DIS3L2: variants seen among roughly 807,000 people sequenced by gnomAD.
DIS3L2 encodes the protein DIS3-like exonuclease 2.
DIS3L2 carries 34 observed loss-of-function variants against 97.5 expected under a neutral mutation model. The ratio of observed to expected loss-of-function variants is 0.35; its 90% CI spans 0.27 to 0.46. The LOEUF (loss-of-function observed/expected upper bound fraction) is 0.46. DIS3L2 is among the 20% of genes least tolerant of loss of function. DIS3L2 has a pLI of 1.00. For missense variants in DIS3L2, 1,038 were observed against 1,146.0 expected (o/e 0.91, Z 1.36); for synonymous variants, 435 against 445.2 (o/e 0.98, Z 0.29).
At chr2:232,176,179 C>T (rs539812563) in intron 9 of DIS3L2, among the ~76,000 whole-genome samples, 1 of 152,344 alleles carries the variant, frequency 6.6e-6, no homozygotes, top group East Asian at 1.9e-4. Flanking sequence ...GCGTGAGCCA[C>T]CGCACCCGGC....
At chr2:232,262,613 A>C (rs982762289) in intron 12 of DIS3L2, among the ~76,000 whole-genome samples, 1 of 152,242 alleles carries the variant, frequency 6.6e-6, no homozygotes, top group African/African-American at 2.4e-5. Flanking sequence ...TATACAGTTC[A>C]GCCCCCTGGC....
At chr2:232,333,780 C>CGTA in intron 16 of DIS3L2, 60 bp from the exon 17 acceptor site, 1 of 1,480,436 alleles carries the variant, frequency 6.8e-7, no homozygotes, top group Non-Finnish European at 9.0e-7. Flanking sequence ...TGGTGCCAGC[C>CGTA]TTCCAGGCCT....
At chr2:232,273,958 C>A (rs765133350) in intron 13 of DIS3L2, among the ~76,000 whole-genome samples, 4 of 152,176 alleles carry the variant, frequency 2.6e-5, no homozygotes, top group African/African-American at 4.8e-5. Flanking sequence ...CTGATCAGAA[C>A]CTATTTTTGC....
intron 14 of DIS3L2, among the ~76,000 whole-genome samples, chr2:232,303,505 C>T (rs920538694): frequency 1.3e-5 from 2 of 152,218 alleles, no homozygotes; most frequent in African/African-American, 4.8e-5. Flanking sequence ...ATTATTGAAA[C>T]TACTGCCTTT....
At chr2:232,168,654 C>T (rs1690893665) in intron 9 of DIS3L2, among the ~76,000 whole-genome samples, 1 of 152,116 alleles carries the variant, frequency 6.6e-6, no homozygotes, top group Non-Finnish European at 1.5e-5. Flanking sequence ...TTGCAGAACG[C>T]CAACTTTTTC....
At chr2:232,000,694 C>G (rs1183379469) in intron 1 of DIS3L2, among the ~76,000 whole-genome samples, 11 of 102,996 alleles carry the variant, frequency 1.1e-4, no homozygotes, top group East Asian at 5.9e-4. Flanking sequence ...CTGTCTTTCT[C>G]TCTTTCTTTC....
At chr2:232,004,409 T>G (rs1253671550) in intron 1 of DIS3L2, among the ~76,000 whole-genome samples, 1 of 152,146 alleles carries the variant, frequency 6.6e-6, no homozygotes, top group Non-Finnish European at 1.5e-5. Flanking sequence ...GTCCTGTAAG[T>G]CCATAATACT....
chr2:232,056,522 A>G (rs569591824), intron 5 of DIS3L2, among the ~76,000 whole-genome samples: 52 of 152,282 alleles, frequency 3.4e-4, no homozygotes, highest in Non-Finnish European at 6.5e-4. Context: ...ATGCAACCAG[A>G]TATATATTCA....
intron 2 of DIS3L2, among the ~76,000 whole-genome samples, 200 bp downstream of exon 2, chr2:232,015,179 G>A (rs1694318802): frequency 1.3e-5 from 2 of 152,196 alleles, no homozygotes; most frequent in African/African-American, 4.8e-5. Flanking sequence ...AAGTACAGCT[G>A]TTTAATTTCC....
chr2:232,215,585 G>A (rs923335), intron 10 of DIS3L2, among the ~76,000 whole-genome samples: 1,590 of 152,266 alleles, frequency 0.01, 11 homozygotes, highest in Non-Finnish European at 0.017. Flanking sequence ...AATAGAGTGA[G>A]AGTCTAGGAG....
intron 5 of DIS3L2, among the ~76,000 whole-genome samples, chr2:232,078,155 T>C (rs894464876): frequency 3.9e-5 from 6 of 151,962 alleles, no homozygotes; most frequent in Admixed American, 2.6e-4. Flanking sequence ...GTGATTCTCC[T>C]GCCTCAGCCT....
chr2:232,044,093 G>A (rs530866915), intron 5 of DIS3L2, among the ~76,000 whole-genome samples: 2 of 152,292 alleles, frequency 1.3e-5, no homozygotes, highest in East Asian at 3.9e-4. Context: ...GATGAGGCCA[G>A]GCTGGCAGAT....
intron 5 of DIS3L2, among the ~76,000 whole-genome samples, chr2:232,055,965 T>C (rs935713387): frequency 6.6e-6 from 1 of 152,188 alleles, no homozygotes; most frequent in Non-Finnish European, 1.5e-5. Context: ...CAAAAATCAA[T>C]TCTAGGTAGA....
intron 10 of DIS3L2, among the ~76,000 whole-genome samples, chr2:232,229,150 T>C (rs926202021): frequency 5.9e-5 from 9 of 152,228 alleles, no homozygotes; most frequent in African/African-American, 2.2e-4. Flanking sequence ...CTTTTCAAAC[T>C]TTTTTCTTTT....
At chr2:232,168,779 A>G (rs1040361657) in intron 9 of DIS3L2, among the ~76,000 whole-genome samples, 1 of 152,166 alleles carries the variant, frequency 6.6e-6, no homozygotes, top group Non-Finnish European at 1.5e-5. Flanking sequence ...AAGAGAAGCC[A>G]TAAGTGTGTG....
Position 232,136,636 on chromosome 2 carries a change from T to C in DIS3L2, c.867T>C (p.Phe289=), listed in dbSNP as rs1698366025. ...CTCTCAAGGACTGTCCCCAGGACTT[T>C]GTGGCACGGCCTAAAGATTATGCCA... The part of the protein sequence containing the change: ...YVPLKDCPQD[F]VARPKDYANT... The change falls in exon 8 of 21, where the codon TTT becomes TTC. Residue 289 remains phenylalanine, a synonymous_variant. Coordinates refer to ENST00000325385, the MANE Select transcript of DIS3L2 (RefSeq NM_152383.5). The C allele has an allele frequency of 6.2e-7, 1 of 1,613,912 alleles. No homozygotes were observed. The highest frequency in any genetic ancestry group is 1.3e-5 in the African/African-American group (1 of 74,984).
chr2:231,976,382 C>T (rs1693093457), intron 1 of DIS3L2, among the ~76,000 whole-genome samples: 1 of 152,074 alleles, frequency 6.6e-6, no homozygotes, highest in Non-Finnish European at 1.5e-5. Context: ...GTAATCCTAA[C>T]ACTTTGGGAG....
intron 5 of DIS3L2, among the ~76,000 whole-genome samples, chr2:232,054,784 G>A (rs949290092): frequency 2.0e-5 from 3 of 152,244 alleles, no homozygotes; most frequent in East Asian, 3.9e-4. Context: ...ATATCAAAAC[G>A]TGACAAAGAT....
At chr2:232,330,383 C>T (rs1231870565) in intron 15 of DIS3L2, among the ~76,000 whole-genome samples, 1 of 152,222 alleles carries the variant, frequency 6.6e-6, no homozygotes, top group Non-Finnish European at 1.5e-5. Flanking sequence ...AACCCAGGGC[C>T]TTGGCTGTGG....
Sources: allele counts gnomAD v4.1 joint callset (sites outside exome capture counted in the v4.1 genomes callset), GRCh38; gene constraint gnomAD v4.1.1; transcripts MANE v1.5; gene names NCBI Gene and HGNC (gene_info 2026-07-23, HGNC 2026-07-21).